NR2F2: variants seen among roughly 807,000 people sequenced by gnomAD.
NR2F2 encodes the protein nuclear receptor subfamily 2 group F member 2.
Under a neutral mutation model 34.8 loss-of-function variants are expected in NR2F2, and 2 were observed. The observed-to-expected ratio is 0.06, with a 90% CI of 0.02 to 0.18. NR2F2 has a LOEUF of 0.18. Ranked by LOEUF, NR2F2 falls within the 10% of genes least tolerant of loss-of-function variation. NR2F2 has a pLI of 1.00. For synonymous variants in NR2F2, 274 were observed against 251.8 expected (o/e 1.09, Z -0.84); for missense variants, 300 against 580.1 (o/e 0.52, Z 4.96).
At position 96,338,514 on chromosome 15, in the gene NR2F2, CTGTT is replaced by C. The variant is rs1468590940; in HGVS notation, c.*896_*899del. 1.3e-5 allele frequency: 2 copies of C among 152,566 alleles called. No homozygotes were observed. The highest frequency in any genetic ancestry group is 2.4e-5 in the African/African-American group (1 of 41,438). 9.5% of individuals were successfully genotyped at this position (152,566 alleles called of 1,614,324 possible). On this transcript the variant is annotated 3_prime_UTR_variant, in exon 3 of 3. Transcript: ENST00000394166. ...TTGAATTGTTATGAAAATCCTATAT[CTGTT>C]TGTATATTTGCAAACCCTTTGTATT...
chr15:96,326,947 G>T (rs555373012), upstream of NR2F2: 1 of 152,894 alleles, frequency 6.5e-6, no homozygotes, highest in African/African-American at 2.4e-5. The surrounding 1 kb of genome is among the most constrained non-coding windows in gnomAD (Gnocchi z 5.5). Flanking sequence ...CGACGAGAAG[G>T]GTACTCACCA....
Position 96,332,195 on chromosome 15 carries a change from C to T in NR2F2, c.90C>T (p.Pro30=). Residue 30 remains proline (P), a synonymous_variant, in exon 1 of 3, where the codon CCC becomes CCT. Transcript: ENST00000394166. ...AGGCCTCGCAGGCGCCGCCCGTGCC[C>T]GGCCCGCCGCCCGGCGCCCCGCACA... ...GSQASQAPPV[P]GPPPGAPHTP... 3 of 1,334,884 alleles carry T rather than the reference C, an allele frequency of 2.2e-6. No individual in the cohort carries two copies. Among genetic ancestry groups the T allele is most frequent in the Non-Finnish European group, 2.9e-6 (3 of 1,044,834 alleles). 82.7% of individuals were successfully genotyped at this position (1,334,884 alleles called of 1,614,324 possible).
At position 96,330,743 on chromosome 15, in the gene NR2F2, C is replaced by A; in HGVS notation, c.-1363C>A. On this transcript the variant is annotated 5_prime_UTR_variant, in exon 1 of 3. Transcript: ENST00000394166. ...GCCCCGGCGCCTATAAATCGCATTC[C>A]CTCCCGCGCCCCCCTTTTTAGCATA... is the stretch of plus-strand genomic sequence containing the variant. 1.6e-6 allele frequency: 1 copy of A among 615,024 alleles called. No homozygotes were observed. The highest frequency in any genetic ancestry group is 2.1e-6 in the Non-Finnish European group (1 of 476,620). The allele number at this position is 615,024 out of a possible 1,614,324, so 38.1% of individuals were successfully genotyped here.
At chr15:96,327,973 AT>A (rs1188872339), upstream of NR2F2, among the ~76,000 whole-genome samples, 4 of 152,222 alleles carry the variant, frequency 2.6e-5, no homozygotes, top group South Asian at 2.1e-4. Context: ...CAACAATAAT[AT>A]ATTGATTTTA....
chr15:96,333,294 A>G, intron 1 of NR2F2: 1 of 978,296 alleles, frequency 1.0e-6, no homozygotes, highest in Non-Finnish European at 1.2e-6. Flanking sequence ...GGTTGGGGCG[A>G]GCCAACGCCG....
At position 96,339,458 on chromosome 15, in the gene NR2F2, C is replaced by T. The variant is rs1290962810; in HGVS notation, c.*1836C>T. On this transcript the variant is annotated 3_prime_UTR_variant, in exon 3 of 3. Transcript: ENST00000394166. Reference sequence around the variant, plus strand: ...TTGCAGTTGGTTTCCCTCTCCCCTCCCCCCCTTTACCTTCAGTCTGTGAGA... The same window carrying T: ...TTGCAGTTGGTTTCCCTCTCCCCTCTCCCCCTTTACCTTCAGTCTGTGAGA... 1 of 152,116 alleles carries T rather than the reference C, an allele frequency of 6.6e-6. No homozygotes were observed. Among genetic ancestry groups the T allele is most frequent in the Non-Finnish European group, 1.5e-5 (1 of 68,022 alleles). 9.4% of individuals were successfully genotyped at this position (152,116 alleles called of 1,614,324 possible). A position where few individuals can be genotyped will look rare whatever the true frequency, so the allele number is the denominator to read the frequency against.
At chr15:96,332,752 T>C (rs1311144493) in intron 1 of NR2F2, 3 of 1,178,162 alleles carry the variant, frequency 2.5e-6, no homozygotes, top group Admixed American at 5.9e-5. Flanking sequence ...CCTTCTTTAC[T>C]CTCTCTTTGG....
Position 96,331,534 on chromosome 15 carries a change from TCTC to T in NR2F2, c.-562_-560del, listed in dbSNP as rs906327049. On this transcript the variant is annotated 5_prime_UTR_variant, in exon 1 of 3. Transcript: ENST00000394166. Reference sequence around the variant, plus strand: ...TGGACTTGGCCCCCGGACAGTCGCCTCTCCTCCTCCTCTACCTCCTCCTTCACC... The same window carrying T: ...TGGACTTGGCCCCCGGACAGTCGCCTCTCCTCCTCTACCTCCTCCTTCACC... 3.3e-5 allele frequency: 41 copies of T among 1,227,984 alleles called. No individual in the cohort carries two copies. Among genetic ancestry groups the T allele is most frequent in the Admixed American group, 1.3e-4 (3 of 23,440 alleles). 76.1% of individuals were successfully genotyped at this position (1,227,984 alleles called of 1,614,324 possible).
At chr15:96,333,446 C>G (rs1302104480) in intron 1 of NR2F2, 13 of 1,003,082 alleles carry the variant, frequency 1.3e-5, no homozygotes, top group African/African-American at 1.7e-5. Context: ...CCCTGCCTCT[C>G]CCGGCTTCCT....
Position 96,331,827 on chromosome 15 carries a change from C to G in NR2F2, c.-279C>G. On this transcript the variant is annotated 5_prime_UTR_variant, in exon 1 of 3. Coordinates refer to ENST00000394166, the MANE Select transcript of NR2F2 (RefSeq NM_021005.4). Reference sequence around the variant, plus strand: ...CCCTCCCCTCCCGGCGGAAAGCCCCCCGAAACCAACAAAGCTGAGCCGAGA... The same window carrying G: ...CCCTCCCCTCCCGGCGGAAAGCCCCGCGAAACCAACAAAGCTGAGCCGAGA... 1 of 1,204,062 alleles carries G rather than the reference C, an allele frequency of 8.3e-7. No homozygotes were observed. Among genetic ancestry groups the G allele is most frequent in the Non-Finnish European group, 1.0e-6 (1 of 970,346 alleles). The allele number at this position is 1,204,062 out of a possible 1,614,324, so 74.6% of individuals were successfully genotyped here. A position where few individuals can be genotyped will look rare whatever the true frequency, so the allele number is the denominator to read the frequency against.
In NR2F2 at chr15:96,334,126, G is replaced by A; in HGVS notation, c.493G>A (p.Ala165Thr). The A allele has an allele frequency of 6.2e-7, 1 of 1,613,680 alleles. No individual in the cohort carries two copies. The highest frequency in any genetic ancestry group is 8.5e-7 in the Non-Finnish European group (1 of 1,180,022). ...PPTQPTHGQF[A>T]LTNGDPLNCH... ...GACCCAGCCGACCCACGGGCAGTTC[G>A]CGCTGACCAACGGGGATCCCCTCAA... The change falls in exon 2 of 3, where the codon GCG becomes ACG. Residue 165 changes from alanine to threonine, a missense_variant. By Grantham distance (58) the Ala-to-Thr change is moderately conservative (BLOSUM62 0). Around this residue, in one of 6 missense-constraint regions of NR2F2, gnomAD observed 164 missense variants for 365.3 expected, o/e 0.45. Transcript: ENST00000394166.
At chr15:96,332,675 T>A in intron 1 of NR2F2, 128 bp downstream of exon 1, 2 of 1,454,534 alleles carry the variant, frequency 1.4e-6, no homozygotes, top group Non-Finnish European at 1.8e-6. Context: ...GAAAAGGGTT[T>A]TATACTAGAA....
intron 1 of NR2F2, chr15:96,333,135 G>T (rs1252149937): frequency 5.8e-6 from 1 of 172,048 alleles, no homozygotes; most frequent in Non-Finnish European, 1.4e-5. Context: ...GAAACGAAGA[G>T]AGCGCGATAG....
At chr15:96,334,662 G>C in intron 2 of NR2F2, 59 bp downstream of exon 2, 1 of 1,514,090 alleles carries the variant, frequency 6.6e-7, no homozygotes, top group African/African-American at 1.4e-5. Context: ...CTGGGGCCCA[G>C]AGAACTTGGG....
rs1432645691 is a variant in NR2F2 at position 96,339,806 on chromosome 15, C to T, written c.*2184C>T. On this transcript the variant is annotated 3_prime_UTR_variant, in exon 3 of 3. Transcript: ENST00000394166. Reference sequence around the variant, plus strand: ...TTTGTTCTTATTCAAGGTTTCCAACCCACCCCCCCACCGCCAGTACTTCAT... The same window carrying T: ...TTTGTTCTTATTCAAGGTTTCCAACTCACCCCCCCACCGCCAGTACTTCAT... 6.6e-6 allele frequency: 1 copy of T among 151,946 alleles called. No homozygotes were observed. Among genetic ancestry groups the T allele is most frequent in the Non-Finnish European group, 1.5e-5 (1 of 67,994 alleles). 9.4% of individuals were successfully genotyped at this position (151,946 alleles called of 1,614,324 possible).
rs1477588875 is a variant in NR2F2, at chr15:96,337,978, AAAGT to A, written c.*361_*364del. On this transcript the variant is annotated 3_prime_UTR_variant, in exon 3 of 3. Coordinates refer to ENST00000394166, the MANE Select transcript of NR2F2 (RefSeq NM_021005.4). ...TTGGGAGACAATTAGCAGAATGGAG[AAAGT>A]AAGTCTTTTTTTTTTCCAAATTATT... 4 of 178,332 alleles carry A rather than the reference AAAGT, an allele frequency of 2.2e-5. No individual in the cohort carries two copies. Among genetic ancestry groups the A allele is most frequent in the South Asian group, 3.2e-4 (2 of 6,200 alleles). The allele number at this position is 178,332 out of a possible 1,614,324, so 11.0% of individuals were successfully genotyped here. A position where few individuals can be genotyped will look rare whatever the true frequency, so the allele number is the denominator to read the frequency against.
At position 96,331,294 on chromosome 15, in the gene NR2F2, G is replaced by A; in HGVS notation, c.-812G>A. On this transcript the variant is annotated 5_prime_UTR_variant, in exon 1 of 3. Transcript: ENST00000394166. ...GACGCCCGGGGCAGGCGGCGGCGGC[G>A]GCGGCCCAGCGCCAGGACGACGCCG... 1 of 1,082,068 alleles carries A rather than the reference G, an allele frequency of 9.2e-7. No individual in the cohort carries two copies. The highest frequency in any genetic ancestry group is 1.1e-6 in the Non-Finnish European group (1 of 893,572). 67.0% of individuals were successfully genotyped at this position (1,082,068 alleles called of 1,614,324 possible). A position where few individuals can be genotyped will look rare whatever the true frequency, so the allele number is the denominator to read the frequency against.
intron 1 of NR2F2, 30 bp downstream of exon 1, chr15:96,332,577 T>C (rs1431015899): frequency 6.3e-7 from 1 of 1,598,902 alleles, no homozygotes; most frequent in African/African-American, 1.3e-5. Flanking sequence ...CCTTCCCTCG[T>C]CCTGGGTCCC....
At position 96,331,558 on chromosome 15, in the gene NR2F2, T is replaced by G. The variant is rs1343245582; in HGVS notation, c.-548T>G. ...CTCTCCTCCTCCTCTACCTCCTCCT[T>G]CACCACCACCTCCTCTTCCTCCTCC... is the stretch of plus-strand genomic sequence containing the variant. On this transcript the variant is annotated 5_prime_UTR_variant, in exon 1 of 3. Transcript: ENST00000394166. 8.2e-7 allele frequency: 1 copy of G among 1,221,172 alleles called. No homozygotes were observed. Among genetic ancestry groups the G allele is most frequent in the East Asian group, 3.2e-5 (1 of 31,120 alleles). 75.6% of individuals were successfully genotyped at this position (1,221,172 alleles called of 1,614,324 possible). A position where few individuals can be genotyped will look rare whatever the true frequency, so the allele number is the denominator to read the frequency against.
Sources: allele counts gnomAD v4.1 joint callset (sites outside exome capture counted in the v4.1 genomes callset), GRCh38; gene constraint gnomAD v4.1.1; regional missense constraint gnomAD v4.1.1; non-coding constraint Gnocchi (gnomAD v3.1); transcripts MANE v1.5; gene names NCBI Gene and HGNC (gene_info 2026-07-23, HGNC 2026-07-21).